The following PRKAG2 variants were observed in gnomAD, a reference collection of about 807,000 sequenced individuals.
PRKAG2 encodes protein kinase AMP-activated non-catalytic subunit gamma 2, also known as 5'-AMP-activated protein kinase subunit gamma-2.
PRKAG2 carries 26 observed loss-of-function variants against 69.6 expected under a neutral mutation model. That is an observed-to-expected ratio of 0.37 (90% confidence interval 0.27 to 0.52). The LOEUF is 0.52. PRKAG2 is among the 20% of genes least tolerant of loss of function. The probability of loss-of-function intolerance (pLI) is 0.90; values close to 1 mark genes in which losing one functional copy is unlikely to be tolerated. For missense variants in PRKAG2, 557 were observed against 740.0 expected (o/e 0.75, Z 2.87); for synonymous variants, 293 against 285.0 (o/e 1.03, Z -0.28).
At chr7:151,685,648 G>A (rs759426034) in intron 3 of PRKAG2, among the ~76,000 whole-genome samples, 3 of 152,000 alleles carry the variant, frequency 2.0e-5, no homozygotes, top group Admixed American at 6.6e-5. Flanking sequence ...CTGTGCCCTT[G>A]GCCCCAGCTA....
intron 1 of PRKAG2, among the ~76,000 whole-genome samples, chr7:151,827,356 A>C (rs1053674221): frequency 1.8e-4 from 28 of 152,152 alleles, no homozygotes; most frequent in African/African-American, 6.5e-4. Context: ...CTCCTACTTC[A>C]GCCTCTGGAG....
chr7:151,834,863 G>A (rs2079112978), intron 1 of PRKAG2, among the ~76,000 whole-genome samples: 1 of 152,346 alleles, frequency 6.6e-6, no homozygotes, highest in African/African-American at 2.4e-5. Flanking sequence ...GGCAGGGCTG[G>A]GTCTCTCTGA....
intron 1 of PRKAG2, among the ~76,000 whole-genome samples, chr7:151,805,346 T>A (rs2078049389): frequency 6.6e-6 from 1 of 152,156 alleles, no homozygotes; most frequent in South Asian, 2.1e-4. Flanking sequence ...GGGAGTGATG[T>A]GAGAGTGAAG....
chr7:151,687,809 A>AC (rs1170729185), intron 3 of PRKAG2, among the ~76,000 whole-genome samples: 2 of 152,164 alleles, frequency 1.3e-5, no homozygotes, highest in African/African-American at 4.8e-5. Flanking sequence ...TGGGGAGAAG[A>AC]CCGTTTGTAT....
rs374874465 is a variant in PRKAG2, at chr7:151,570,151, GAAA to G, written c.1106+17_1106+19del. 1.4e-6 allele frequency: 2 copies of G among 1,417,496 alleles called. No homozygotes were observed. Among genetic ancestry groups the G allele is most frequent in the Non-Finnish European group, 1.9e-6 (2 of 1,042,572 alleles). 87.8% of individuals were successfully genotyped at this position (1,417,496 alleles called of 1,614,324 possible). ...ATACATCTGAATGAATGTTTTCAAA[GAAA>G]AAAAAAACAAGTTTACCTTGCATCT... On this transcript the variant is annotated intron_variant, in intron 10 of 15. Transcript: ENST00000287878.
intron 7 of PRKAG2, 127 bp from the exon 8 acceptor site, chr7:151,575,076 G>T (rs958153486): frequency 7.6e-7 from 1 of 1,314,332 alleles, no homozygotes; most frequent in African/African-American, 1.5e-5. Context: ...ATCAAGCAGA[G>T]TTTAATATAT....
At chr7:151,787,954 A>G (rs1370189225) in intron 1 of PRKAG2, among the ~76,000 whole-genome samples, 1 of 152,174 alleles carries the variant, frequency 6.6e-6, no homozygotes, top group African/African-American at 2.4e-5. Flanking sequence ...TGATATTTTG[A>G]TCTTAGACTT....
intron 5 of PRKAG2, among the ~76,000 whole-genome samples, chr7:151,610,796 A>G (rs1818641272): frequency 7.7e-6 from 1 of 129,674 alleles, no homozygotes; most frequent in Non-Finnish European, 1.6e-5. Flanking sequence ...GCTGCAGTGC[A>G]GTGGTGCAAT....
intron 1 of PRKAG2, among the ~76,000 whole-genome samples, chr7:151,830,496 G>A (rs763723126): frequency 6.6e-6 from 1 of 151,992 alleles, no homozygotes; most frequent in Non-Finnish European, 1.5e-5. Context: ...TCTCCTTTGA[G>A]GTAACACACG....
At chr7:151,562,677 G>C (rs2150982801) in intron 14 of PRKAG2, among the ~76,000 whole-genome samples, 1 of 152,224 alleles carries the variant, frequency 6.6e-6, no homozygotes, top group African/African-American at 2.4e-5. Context: ...ACATTCAATA[G>C]TGGATATTAG....
chr7:151,831,729 G>C (rs138721824), intron 1 of PRKAG2, among the ~76,000 whole-genome samples: 1 of 152,082 alleles, frequency 6.6e-6, no homozygotes, highest in African/African-American at 2.4e-5. Context: ...CTCGGGTCCT[G>C]GCCTCGCCCC....
chr7:151,669,036 CG>C (rs1371126947), intron 4 of PRKAG2, among the ~76,000 whole-genome samples: 1 of 152,246 alleles, frequency 6.6e-6, no homozygotes, highest in Non-Finnish European at 1.5e-5. Context: ...ACGTCTCCAT[CG>C]CAAGTGCTTG....
chr7:151,640,930 G>A (rs531597176), intron 4 of PRKAG2, among the ~76,000 whole-genome samples: 3 of 152,282 alleles, frequency 2.0e-5, no homozygotes, highest in African/African-American at 7.2e-5. Flanking sequence ...AAACTTGGTA[G>A]GGAAACAGTT....
rs777595306 is a variant in PRKAG2, at chr7:151,689,750, A to G, written c.467-14113T>C. ...TCCTGGGGTTCTGTTGACTCAACAC[A>G]TCATCTGACGCCACCCCGGCAGGCC... On this transcript the variant is annotated intron_variant, in intron 3 of 15. Transcript: ENST00000287878. Among the ~76,000 whole-genome samples, 91 of 152,210 alleles carry G rather than the reference A, an allele frequency of 6.0e-4. 2 individuals carry two copies. The highest frequency in any genetic ancestry group is 1.0e-3 in the Non-Finnish European group (69 of 68,000).
At chr7:151,741,147 A>C (rs1192018902) in intron 3 of PRKAG2, among the ~76,000 whole-genome samples, 1 of 151,974 alleles carries the variant, frequency 6.6e-6, no homozygotes, top group Non-Finnish European at 1.5e-5. Flanking sequence ...CGGGAGGTCC[A>C]GGCTCTAGTG....
In PRKAG2 at chr7:151,756,864, G is replaced by A. The variant is rs967718501; in HGVS notation, c.466+24288C>T. Among the ~76,000 whole-genome samples, 3 of 152,144 alleles carry A rather than the reference G, an allele frequency of 2.0e-5. No individual in the cohort carries two copies. Among genetic ancestry groups the A allele is most frequent in the East Asian group, 3.8e-4 (2 of 5,202 alleles). Reference sequence around the variant, plus strand: ...ATTAAACTCCATCTGCTTTTAGTACGGAGAGTAACCCTCTTCCAGGTAGGA... The same window carrying A: ...ATTAAACTCCATCTGCTTTTAGTACAGAGAGTAACCCTCTTCCAGGTAGGA... On this transcript the variant is annotated intron_variant, in intron 3 of 15. Coordinates refer to ENST00000287878, the MANE Select transcript of PRKAG2 (RefSeq NM_016203.4). This position sits in a 1 kb window ranked among gnomAD's most constrained non-coding sequence, Gnocchi z 4.9.
In PRKAG2 at chr7:151,812,254, A is replaced by G. The variant is rs190787634; in HGVS notation, c.115-25713T>C. 1.3e-3 allele frequency among the ~76,000 whole-genome samples: 200 copies of G among 152,298 alleles called. 1 individual carries two copies. Among genetic ancestry groups the G allele is most frequent in the African/African-American group, 4.6e-3 (192 of 41,566 alleles). The stretch of plus-strand genomic sequence containing the variant: ...TAATGCATAAAACAAAAGTACAGGC[A>G]TTCACCTTCATTAGGCCTGGGCTGA... On this transcript the variant is annotated intron_variant, in intron 1 of 15. Coordinates refer to ENST00000287878, the MANE Select transcript of PRKAG2 (RefSeq NM_016203.4).
rs369546826 is a variant in PRKAG2 at position 151,654,617 on chromosome 7, A to T, written c.684+20803T>A. On this transcript the variant is annotated intron_variant, in intron 4 of 15. Coordinates refer to ENST00000287878, the MANE Select transcript of PRKAG2 (RefSeq NM_016203.4). ...GTGCTTTTACTATGCTCAGTCTGATATTGGAGAAAGTGCCAGAGACAGTAA... is the reference window on the plus strand; with the variant it reads ...GTGCTTTTACTATGCTCAGTCTGATTTTGGAGAAAGTGCCAGAGACAGTAA... Among the ~76,000 whole-genome samples the T allele has an allele frequency of 5.9e-5, 9 of 152,310 alleles. No individual in the cohort carries two copies. In the East Asian group the frequency reaches 1.3e-3, roughly 23 times the overall value.
At chr7:151,796,475 AG>A (rs772046458) in intron 1 of PRKAG2, among the ~76,000 whole-genome samples, 13 of 152,312 alleles carry the variant, frequency 8.5e-5, no homozygotes, top group Non-Finnish European at 1.5e-4. Context: ...GGTTTAGAAA[AG>A]CACCACGATC....
Sources: allele counts gnomAD v4.1 joint callset (sites outside exome capture counted in the v4.1 genomes callset), GRCh38; gene constraint gnomAD v4.1.1; non-coding constraint Gnocchi (gnomAD v3.1); transcripts MANE v1.5; gene names NCBI Gene and HGNC (gene_info 2026-07-23, HGNC 2026-07-21).